Variants in TPRG1 observed in about 807,000 individuals in gnomAD.
TPRG1 encodes tumor protein p63 regulated 1.
In TPRG1, 29 loss-of-function variants were observed where a neutral mutation model predicts 29.3. The ratio of observed to expected loss-of-function variants is 0.99; its 90% CI spans 0.74 to 1.35. TPRG1 has a LOEUF of 1.35. Ranked by LOEUF, TPRG1 falls within the 40% of genes most tolerant of loss-of-function variation. The pLI, the probability that TPRG1 is intolerant of heterozygous loss-of-function variation, is 0.00. For synonymous variants in TPRG1, 130 were observed against 116.8 expected (o/e 1.11, Z -0.73); for missense variants, 327 against 335.0 (o/e 0.98, Z 0.19).
rs116228622 is a variant in TPRG1, at chr3:189,156,654, C to G, written c.-10+5782C>G. 3.2e-3 allele frequency among the ~76,000 whole-genome samples: 483 copies of G among 152,262 alleles called. 3 individuals are homozygous for G. The highest frequency in any genetic ancestry group is 0.011 in the African/African-American group (460 of 41,538). On this transcript the variant is annotated intron_variant, in intron 5 of 6. Transcript: ENST00000412373. Reference sequence around the variant, plus strand: ...CAGGACAAAATTCATGGGAGATGCACCAGCTTAGCTGGTCAGATGAGTATG... The same window carrying G: ...CAGGACAAAATTCATGGGAGATGCAGCAGCTTAGCTGGTCAGATGAGTATG...
intron 3 of TPRG1, among the ~76,000 whole-genome samples, chr3:189,005,291 G>C (rs1051760305): frequency 3.3e-5 from 5 of 152,240 alleles, no homozygotes; most frequent in African/African-American, 1.2e-4. Context: ...GCCGAGTAAA[G>C]TGTGATACAA....
At chr3:189,315,279 TGTGTG>T (rs1255974002) in intron 5 of TPRG1, among the ~76,000 whole-genome samples, 30 of 53,814 alleles carry the variant, frequency 5.6e-4, no homozygotes, top group Non-Finnish European at 7.0e-4. Flanking sequence ...CTGAAAGAAT[TGTGTG>T]TGTGTGTGTG....
At chr3:189,038,157 GAAAA>G (rs1010428703) in intron 4 of TPRG1, among the ~76,000 whole-genome samples, 1 of 149,720 alleles carries the variant, frequency 6.7e-6, no homozygotes, top group Non-Finnish European at 1.5e-5. Context: ...AACCATAAAA[GAAAA>G]AAAAATAGCC....
chr3:189,269,037 T>G (rs1714623828), intron 4 of TPRG1, among the ~76,000 whole-genome samples: 1 of 152,134 alleles, frequency 6.6e-6, no homozygotes, highest in African/African-American at 2.4e-5. Flanking sequence ...CAATTAAATT[T>G]CTAACTCTTT....
chr3:189,205,853 C>G (rs1414996836), intron 1 of TPRG1, among the ~76,000 whole-genome samples: 1 of 152,124 alleles, frequency 6.6e-6, no homozygotes, highest in African/African-American at 2.4e-5. Flanking sequence ...ATTACTAGCA[C>G]CCACAGACAT....
At chr3:189,175,256 T>C (rs1013620824) in intron 1 of TPRG1, among the ~76,000 whole-genome samples, 1 of 152,058 alleles carries the variant, frequency 6.6e-6, no homozygotes, top group Non-Finnish European at 1.5e-5. Context: ...AAGGATGAAA[T>C]GGCACTCGAA....
chr3:189,162,706 C>G (rs2108635413), intron 5 of TPRG1, among the ~76,000 whole-genome samples: 1 of 152,154 alleles, frequency 6.6e-6, no homozygotes, highest in African/African-American at 2.4e-5. Flanking sequence ...GTAGAAAACC[C>G]TAGGAGATCA....
chr3:189,166,721 T>C (rs1560506835), intron 5 of TPRG1, among the ~76,000 whole-genome samples: 1 of 152,204 alleles, frequency 6.6e-6, no homozygotes, highest in Non-Finnish European at 1.5e-5. Flanking sequence ...TCTTCTTCCT[T>C]CTTTAATTTC....
chr3:189,003,690 G>C (rs1243722974), intron 2 of TPRG1, among the ~76,000 whole-genome samples: 1 of 152,064 alleles, frequency 6.6e-6, no homozygotes, highest in African/African-American at 2.4e-5. Context: ...CCCTAGATGG[G>C]TTGGCATTAC....
At chr3:189,191,175 T>C (rs550327432) in intron 1 of TPRG1, among the ~76,000 whole-genome samples, 11 of 152,314 alleles carry the variant, frequency 7.2e-5, no homozygotes, top group African/African-American at 2.4e-4. Flanking sequence ...TATTGTTTTG[T>C]TTTCTTATGG....
At chr3:189,044,991 C>CA (rs1408896443) in intron 4 of TPRG1, among the ~76,000 whole-genome samples, 1 of 152,172 alleles carries the variant, frequency 6.6e-6, no homozygotes, top group East Asian at 1.9e-4. Flanking sequence ...TTTCAGCCAT[C>CA]AGAGTATTCA....
intron 2 of TPRG1, chr3:189,212,307 G>T (rs941465228): frequency 5.9e-5 from 9 of 152,070 alleles, no homozygotes; most frequent in African/African-American, 2.2e-4. Context: ...TAATAAGCAG[G>T]TTCAGGACTT....
chr3:189,188,093 C>A (rs998569640), intron 1 of TPRG1, among the ~76,000 whole-genome samples: 10 of 151,602 alleles, frequency 6.6e-5, no homozygotes, highest in Admixed American at 5.2e-4. Context: ...CTGCAGAAGT[C>A]AAAGAAATAA....
intron 5 of TPRG1, among the ~76,000 whole-genome samples, chr3:189,157,398 G>A (rs1578582941): frequency 2.0e-5 from 3 of 151,896 alleles, no homozygotes; most frequent in Non-Finnish European, 2.9e-5. Flanking sequence ...ACATGTCCAC[G>A]GGACTGAGCA....
exon 3 of TPRG1, chr3:189,004,703 T>G (rs1176975918): frequency 6.6e-6 from 1 of 152,150 alleles, no homozygotes; most frequent in Non-Finnish European, 1.5e-5. Flanking sequence ...CTTTCTCCTT[T>G]TCTAGCAATT....
chr3:189,069,061 A>C (rs1178021297), intron 4 of TPRG1, among the ~76,000 whole-genome samples: 1 of 152,250 alleles, frequency 6.6e-6, no homozygotes, highest in South Asian at 2.1e-4. Flanking sequence ...GAATATTTAT[A>C]GATGCTTTAT....
At chr3:189,148,188 A>G (rs1451521952) in intron 4 of TPRG1, among the ~76,000 whole-genome samples, 1 of 152,178 alleles carries the variant, frequency 6.6e-6, no homozygotes, top group Non-Finnish European at 1.5e-5. Context: ...AAAAATGTCC[A>G]CACACTGCCA....
At chr3:189,237,259 C>A (rs147457435) in intron 3 of TPRG1, among the ~76,000 whole-genome samples, 1 of 152,160 alleles carries the variant, frequency 6.6e-6, no homozygotes, top group African/African-American at 2.4e-5. Flanking sequence ...ACAGTCTCTG[C>A]CTTCATGGAA....
intron 5 of TPRG1, among the ~76,000 whole-genome samples, chr3:189,319,409 A>T (rs977396818): frequency 1.3e-5 from 2 of 152,032 alleles, no homozygotes; most frequent in Non-Finnish European, 2.9e-5. Flanking sequence ...TTCTCAACTC[A>T]ATAATAATAT....
Sources: allele counts gnomAD v4.1 joint callset (sites outside exome capture counted in the v4.1 genomes callset), GRCh38; gene constraint gnomAD v4.1.1; transcripts MANE v1.5; gene names NCBI Gene and HGNC (gene_info 2026-07-23, HGNC 2026-07-21).